The following MAT2A variants were observed in gnomAD, a reference collection of about 807,000 sequenced individuals.
The protein encoded by MAT2A is S-adenosylmethionine synthase isoform type-2.
In MAT2A, 3 loss-of-function variants were observed where a neutral mutation model predicts 43.9. The ratio of observed to expected loss-of-function variants is 0.07; its 90% CI spans 0.03 to 0.18. The LOEUF is 0.18. Among genes scored for constraint, MAT2A ranks in the 10% least tolerant of loss-of-function variants. The probability of loss-of-function intolerance (pLI) is 1.00; values close to 1 mark genes in which losing one functional copy is unlikely to be tolerated. For synonymous variants in MAT2A, 200 were observed against 168.4 expected (o/e 1.19, Z -1.45); for missense variants, 204 against 489.0 (o/e 0.42, Z 5.50).
In MAT2A at chr2:85,541,932, A is replaced by G. The variant is rs1442907314; in HGVS notation, c.509A>G (p.Asn170Ser). The part of the protein sequence containing the change: ...LNAKLAELRR[N>S]GTLPWLRPDS... Reference sequence around the variant, plus strand: ...GCCAAACTGGCAGAACTACGCCGTAATGGCACTTTGCCTTGGTTACGCCCT... The same window carrying G: ...GCCAAACTGGCAGAACTACGCCGTAGTGGCACTTTGCCTTGGTTACGCCCT... The change falls in exon 5 of 9, where the codon AAT becomes AGT. Residue 170 changes from asparagine (N) to serine (S), a missense_variant. Physicochemically the swap from Asn to Ser is conservative, Grantham distance 46. Coordinates refer to ENST00000306434, the MANE Select transcript of MAT2A (RefSeq NM_005911.6). The G allele has an allele frequency of 6.2e-7, 1 of 1,614,144 alleles. No homozygotes were observed. Among genetic ancestry groups the G allele is most frequent in the Non-Finnish European group, 8.5e-7 (1 of 1,180,040 alleles).
chr2:85,539,472 G>C (rs1237352688), intron 1 of MAT2A, 94 bp downstream of exon 1: 2 of 949,012 alleles, frequency 2.1e-6, no homozygotes, highest in African/African-American at 3.5e-5. Flanking sequence ...GGCCCGCGCG[G>C]GTCGTCCTCG....
chr2:85,543,208 A>G (rs1691523015), intron 8 of MAT2A, 174 bp downstream of exon 8: 2 of 691,344 alleles, frequency 2.9e-6, no homozygotes, highest in Non-Finnish European at 2.3e-6. Flanking sequence ...TATTTGAGAA[A>G]TTTAAAATTA....
chr2:85,543,854 C>T lies in MAT2A; in HGVS notation c.*82C>T. On this transcript the variant is annotated 3_prime_UTR_variant, in exon 9 of 9. Transcript: ENST00000306434. Reference sequence around the variant, plus strand: ...GCTCTGAGGGAAAGGGCCCTCCTTCCTAAATTTTCCTGTCCTCTTTCAGCT... The same window carrying T: ...GCTCTGAGGGAAAGGGCCCTCCTTCTTAAATTTTCCTGTCCTCTTTCAGCT... 1 of 800,416 alleles carries T rather than the reference C, an allele frequency of 1.2e-6. No individual in the cohort carries two copies. Among genetic ancestry groups the T allele is most frequent in the Non-Finnish European group, 2.0e-6 (1 of 502,452 alleles). 49.6% of individuals were successfully genotyped at this position (800,416 alleles called of 1,614,324 possible).
rs1053637181 is a variant in MAT2A, at chr2:85,544,017, A to G, written c.*245A>G. The G allele has an allele frequency of 5.7e-6, 2 of 352,518 alleles. No individual in the cohort carries two copies. The highest frequency in any genetic ancestry group is 4.7e-5 in the Admixed American group (1 of 21,396). 21.8% of individuals were successfully genotyped at this position (352,518 alleles called of 1,614,324 possible). On this transcript the variant is annotated 3_prime_UTR_variant, in exon 9 of 9. Coordinates refer to ENST00000306434, the MANE Select transcript of MAT2A (RefSeq NM_005911.6). ...TTTAGTGAGCATAGGTGATCCATGT[A>G]ACTGCCTAGAAACAACACTGTAGTA... is the stretch of plus-strand genomic sequence containing the variant.
chr2:85,543,132 C>T (rs2103920027), intron 8 of MAT2A, 98 bp downstream of exon 8: 2 of 1,268,974 alleles, frequency 1.6e-6, no homozygotes, highest in South Asian at 1.6e-5. Context: ...AAGGAAGACT[C>T]CTCAAATGGG....
intron 7 of MAT2A, 61 bp downstream of exon 7, chr2:85,542,808 T>C: frequency 1.3e-6 from 2 of 1,548,026 alleles, no homozygotes; most frequent in Non-Finnish European, 1.8e-6. Flanking sequence ...TATTTAGTAG[T>C]AATCTACTTA....
At chr2:85,541,520 C>G in intron 3 of MAT2A, 113 bp from the exon 4 acceptor site, 3 of 1,302,844 alleles carry the variant, frequency 2.3e-6, no homozygotes, top group Non-Finnish European at 3.2e-6. Context: ...TCTAAAAGGT[C>G]CGATGGTTTA....
chr2:85,542,839 G>T (rs148225919), intron 7 of MAT2A, 62 bp from the exon 8 acceptor site: 1 of 1,577,554 alleles, frequency 6.3e-7, no homozygotes, highest in Non-Finnish European at 8.6e-7. Flanking sequence ...TTATACCAAC[G>T]TATTATACAA....
At position 85,542,080 on chromosome 2, in the gene MAT2A, T is replaced by C; in HGVS notation, c.550-75T>C. 2.5e-6 allele frequency: 4 copies of C among 1,582,568 alleles called. No individual in the cohort carries two copies. In the South Asian group the frequency reaches 3.3e-5, roughly 13 times the overall value. On this transcript the variant is annotated intron_variant, in intron 5 of 8. Coordinates refer to ENST00000306434, the MANE Select transcript of MAT2A (RefSeq NM_005911.6). The stretch of plus-strand genomic sequence containing the variant: ...AAAAATAGCATTTGTTTTCCTATAT[T>C]GTAACTTCAGGTAGAGAAACAAATA...
At chr2:85,542,479 G>T (rs1160761253) in intron 6 of MAT2A, 86 bp from the exon 7 acceptor site, 2 of 1,528,692 alleles carry the variant, frequency 1.3e-6, no homozygotes, top group African/African-American at 2.7e-5. Flanking sequence ...ATCATCGGAG[G>T]ATATTTGCTG....
rs748275992 is a variant in MAT2A, at chr2:85,541,962, C to G, written c.539C>G (p.Ser180Cys). Residue 180 changes from serine (S) to cysteine (C), a missense_variant, in exon 5 of 9, where the codon TCT becomes TGT. Around this residue, in one of 6 missense-constraint regions of MAT2A, gnomAD observed 103 missense variants for 226.4 expected, o/e 0.45. Coordinates refer to ENST00000306434, the MANE Select transcript of MAT2A (RefSeq NM_005911.6). Reference protein sequence around the residue: ...NGTLPWLRPDSKTQVTVQYMQ... With the variant: ...NGTLPWLRPDCKTQVTVQYMQ... ...ACTTTGCCTTGGTTACGCCCTGATT[C>G]TAAAACTCAAGTAAGTGATGATCAT... is the stretch of plus-strand genomic sequence containing the variant. The G allele has an allele frequency of 1.9e-6, 3 of 1,613,306 alleles. No individual in the cohort carries two copies. The highest frequency in any genetic ancestry group is 2.2e-5 in the East Asian group (1 of 44,862).
Position 85,541,953 on chromosome 2 carries a change from G to A in MAT2A, c.530G>A (p.Arg177His), listed in dbSNP as rs1691485659. ...CGTAATGGCACTTTGCCTTGGTTAC[G>A]CCCTGATTCTAAAACTCAAGTAAGT... is the stretch of plus-strand genomic sequence containing the variant. ...LRRNGTLPWL[R>H]PDSKTQVTVQ... Residue 177 changes from arginine (R) to histidine (H), a missense_variant, in exon 5 of 9, where the codon CGC (arginine) becomes CAC (histidine). By Grantham distance (29) the Arg-to-His change is conservative (BLOSUM62 0). Around this residue, in one of 6 missense-constraint regions of MAT2A, gnomAD observed 103 missense variants for 226.4 expected, o/e 0.45. Transcript: ENST00000306434. 6.2e-7 allele frequency: 1 copy of A among 1,613,940 alleles called. No individual in the cohort carries two copies. The highest frequency in any genetic ancestry group is 8.5e-7 in the Non-Finnish European group (1 of 1,179,852).
intron 1 of MAT2A, 185 bp downstream of exon 1, chr2:85,539,563 T>C: frequency 8.3e-6 from 4 of 481,220 alleles, no homozygotes; most frequent in Non-Finnish European, 1.5e-5. Flanking sequence ...GCCGCTCCTC[T>C]TCCCCCTCCC....
At chr2:85,543,530 T>C in intron 8 of MAT2A, 140 bp from the exon 9 acceptor site, 1 of 612,972 alleles carries the variant, frequency 1.6e-6, no homozygotes, top group Non-Finnish European at 2.9e-6. Flanking sequence ...ACCAGGGAAG[T>C]AACACTTTTG....
chr2:85,539,732 A>C (rs757054872), intron 1 of MAT2A: 1 of 167,300 alleles, frequency 6.0e-6, no homozygotes, highest in South Asian at 1.5e-4. Flanking sequence ...CCGTCTGACA[A>C]ACCTGGAGTG....
chr2:85,542,474 C>G, intron 6 of MAT2A, 91 bp from the exon 7 acceptor site: 2 of 1,522,952 alleles, frequency 1.3e-6, no homozygotes, highest in Non-Finnish European at 1.8e-6. Context: ...TGTGAATCAT[C>G]GGAGGATATT....
rs151049338 is a variant in MAT2A, at chr2:85,542,881, C to G, written c.952-20C>G. The G allele has an allele frequency of 1.9e-6, 3 of 1,606,034 alleles. No individual in the cohort carries two copies. Among genetic ancestry groups the G allele is most frequent in the African/African-American group, 1.3e-5 (1 of 74,526 alleles). ...GGGTCTTTGCAATCACTGATTCTTA[C>G]GACATTTGAATCCTTTTAGGTCTCT... On this transcript the variant is annotated intron_variant, in intron 7 of 8. Coordinates refer to ENST00000306434, the MANE Select transcript of MAT2A (RefSeq NM_005911.6).
In MAT2A at chr2:85,543,692, A is replaced by C; in HGVS notation, c.1108A>C (p.Ile370Leu). Residue 370 changes from isoleucine (I) to leucine (L), a missense_variant, in exon 9 of 9, where the codon ATT (isoleucine) becomes CTT (leucine). Transcript: ENST00000306434. ...CAGGGATCTGGATCTGAAGAAGCCA[A>C]TTTATCAGAGGACTGCAGCCTATGG... ...IVRDLDLKKPIYQRTAAYGHF... is the reference protein window; with the variant it reads ...IVRDLDLKKPLYQRTAAYGHF... 2 of 1,611,704 alleles carry C rather than the reference A, an allele frequency of 1.2e-6. No individual in the cohort carries two copies. Among genetic ancestry groups the C allele is most frequent in the Non-Finnish European group, 8.5e-7 (1 of 1,178,154 alleles).
chr2:85,541,768 T>G (rs1490227896), intron 4 of MAT2A, 23 bp downstream of exon 4: 4 of 1,613,920 alleles, frequency 2.5e-6, no homozygotes, highest in Non-Finnish European at 2.5e-6. Context: ...AGAGGCTGTT[T>G]TAATCTCTTC....
Sources: gnomAD v4.1 joint callset for allele counts on GRCh38, gnomAD v4.1.1 for gene constraint, gnomAD v4.1.1 regional missense constraint, MANE v1.5 for transcripts, NCBI Gene and HGNC (gene_info 2026-07-23, HGNC 2026-07-21) for gene names.